GRIN1: variants seen among roughly 807,000 people sequenced by gnomAD.
GRIN1 encodes glutamate receptor ionotropic, NMDA 1.
Under a neutral mutation model 103.0 loss-of-function variants are expected in GRIN1, and 38 were observed. That is an observed-to-expected ratio of 0.37 (90% CI 0.28 to 0.48). The LOEUF (loss-of-function observed/expected upper bound fraction) is 0.48. Ranked by LOEUF, GRIN1 falls within the 20% of genes least tolerant of loss-of-function variation. The pLI is 0.98. For missense variants in GRIN1, 577 were observed against 1,288.9 expected (o/e 0.45, Z 8.46); for synonymous variants, 544 against 532.7 (o/e 1.02, Z -0.29).
At chr9:137,142,735 G>A (rs1454878633) in intron 2 of GRIN1, among the ~76,000 whole-genome samples, 1 of 152,236 alleles carries the variant, frequency 6.6e-6, no homozygotes, top group Non-Finnish European at 1.5e-5. Context: ...TGTGCACGCA[G>A]CCAGGGTGGT....
intron 2 of GRIN1, among the ~76,000 whole-genome samples, chr9:137,142,509 C>T (rs1486985693): frequency 1.3e-5 from 2 of 152,160 alleles, no homozygotes; most frequent in African/African-American, 2.4e-5. Flanking sequence ...AGCACCCACA[C>T]GCTACACTGC....
Position 137,163,892 on chromosome 9 carries a change from G to C in GRIN1, c.2577G>C (p.Arg859=). 1 of 1,612,796 alleles carries C rather than the reference G, an allele frequency of 6.2e-7. No homozygotes were observed. The highest frequency in any genetic ancestry group is 8.5e-7 in the Non-Finnish European group (1 of 1,179,854). Residue 859 remains arginine, a synonymous_variant, in exon 18 of 20, where the codon CGG becomes CGC. Coordinates refer to ENST00000371561, the MANE Select transcript of GRIN1 (RefSeq NM_007327.4). The part of the protein sequence containing the change: ...QLAFAAVNVW[R]KNLQDRKSGR... Reference sequence around the variant, plus strand: ...CCTTTGCCGCCGTTAACGTGTGGCGGAAGAACCTGCAGGTAGGGCAGGCCA... The same window carrying C: ...CCTTTGCCGCCGTTAACGTGTGGCGCAAGAACCTGCAGGTAGGGCAGGCCA...
In GRIN1 at chr9:137,146,158, C is replaced by A. The variant is rs1340190173; in HGVS notation, c.570+256C>A. On this transcript the variant is annotated intron_variant, in intron 3 of 19. Transcript: ENST00000371561. This position sits in a 1 kb window ranked among gnomAD's most constrained non-coding sequence, Gnocchi z 6.7. ...GAGCTCCGCAAACACCCCTGCCCCGCGCTGCCGAGCGCCCTCGTCCCCTCC... is the reference window on the plus strand; with the variant it reads ...GAGCTCCGCAAACACCCCTGCCCCGAGCTGCCGAGCGCCCTCGTCCCCTCC... Among the ~76,000 whole-genome samples, 4 of 152,122 alleles carry A rather than the reference C, an allele frequency of 2.6e-5. No individual in the cohort carries two copies. Among genetic ancestry groups the A allele is most frequent in the Non-Finnish European group, 4.4e-5 (3 of 67,990 alleles).
At chr9:137,145,991 C>A in intron 3 of GRIN1, 89 bp downstream of exon 3, 2 of 963,564 alleles carry the variant, frequency 2.1e-6, no homozygotes, top group Non-Finnish European at 1.6e-6. Flanking sequence ...GTGACACCCT[C>A]TTCTTTCCAT....
chr9:137,155,870 C>T (rs1286826703), intron 4 of GRIN1, among the ~76,000 whole-genome samples: 1 of 152,246 alleles, frequency 6.6e-6, no homozygotes, highest in Admixed American at 6.5e-5. Flanking sequence ...TCCTGCAGGC[C>T]CCAGGCCTGG....
At chr9:137,151,057 G>C (rs111724766) in intron 4 of GRIN1, among the ~76,000 whole-genome samples, 29 of 80,428 alleles carry the variant, frequency 3.6e-4, no homozygotes, top group South Asian at 4.8e-4. Context: ...AAAAAGTCCC[G>C]CCCAGGGAAA....
At chr9:137,148,012 T>A in intron 3 of GRIN1, 7 of 470,504 alleles carry the variant, frequency 1.5e-5, no homozygotes, top group African/African-American at 4.1e-5. Flanking sequence ...GCCCCGGGCC[T>A]CGGTGTTTGC....
At chr9:137,142,365 A>T (rs545871574) in intron 2 of GRIN1, among the ~76,000 whole-genome samples, 2 of 152,238 alleles carry the variant, frequency 1.3e-5, no homozygotes, top group Admixed American at 1.3e-4. Context: ...TACACACACA[A>T]TACACACTCT....
At chr9:137,152,810 A>G (rs1286974141) in intron 4 of GRIN1, among the ~76,000 whole-genome samples, 3 of 152,150 alleles carry the variant, frequency 2.0e-5, no homozygotes, top group Non-Finnish European at 4.4e-5. Flanking sequence ...TACCATACAC[A>G]CGTGCACAAA....
In GRIN1 at chr9:137,139,495, C is replaced by G; in HGVS notation, c.9C>G (p.Thr3=). 1.3e-6 allele frequency: 2 copies of G among 1,594,494 alleles called. No individual in the cohort carries two copies. The highest frequency in any genetic ancestry group is 1.7e-6 in the Non-Finnish European group (2 of 1,171,174). ...GCCCGCGGCCCGAGCCCATGAGCAC[C>G]ATGCGCCTGCTGACGCTCGCCCTGC... MS[T]MRLLTLALLF... The change falls in exon 1 of 20, where the codon ACC becomes ACG. Residue 3 remains threonine, a synonymous_variant. Transcript: ENST00000371561. The surrounding 1 kb of genome is among the most constrained non-coding windows in gnomAD (Gnocchi z 7.7).
In GRIN1 at chr9:137,149,038, G is replaced by C. The variant is rs1451956567; in HGVS notation, c.600G>C (p.Gly200=). 6.2e-7 allele frequency: 1 copy of C among 1,613,594 alleles called. No homozygotes were observed. The highest frequency in any genetic ancestry group is 1.7e-5 in the Admixed American group (1 of 59,970). The part of the protein sequence containing the change: ...KAEKVLQFDP[G]TKNVTALLME... The stretch of plus-strand genomic sequence containing the variant: ...AGAAGGTGCTGCAGTTTGACCCAGG[G>C]ACCAAGAACGTGACGGCCCTGCTGA... Residue 200 remains glycine, a synonymous_variant, in exon 4 of 20, where the codon GGG becomes GGC. Coordinates refer to ENST00000371561, the MANE Select transcript of GRIN1 (RefSeq NM_007327.4).
At chr9:137,142,330 GCTCA>G (rs1282192956) in intron 2 of GRIN1, among the ~76,000 whole-genome samples, 183 bp downstream of exon 2, 1 of 152,204 alleles carries the variant, frequency 6.6e-6, no homozygotes, top group African/African-American at 2.4e-5. Flanking sequence ...CTGCAAACAT[GCTCA>G]CATGCACACT....
At chr9:137,161,900 C>G (rs201897883) in intron 10 of GRIN1, 24 bp from the exon 11 acceptor site, 2 of 1,549,250 alleles carry the variant, frequency 1.3e-6, no homozygotes, top group Non-Finnish European at 1.7e-6. Context: ...TGCCTGCATG[C>G]CCGCCGGCTC....
intron 1 of GRIN1, among the ~76,000 whole-genome samples, chr9:137,140,804 G>A (rs529543601): frequency 6.6e-6 from 1 of 152,210 alleles, no homozygotes; most frequent in Non-Finnish European, 1.5e-5. Flanking sequence ...AGCACCTCTG[G>A]GTGCAGGCTG....
chr9:137,160,920 C>A, intron 8 of GRIN1, 136 bp from the exon 9 acceptor site: 1 of 1,101,418 alleles, frequency 9.1e-7, no homozygotes, highest in Non-Finnish European at 1.3e-6. Flanking sequence ...CAGTGGCCGG[C>A]GGCGCAGGGC....
Position 137,157,054 on chromosome 9 carries a change from C to A in GRIN1, c.968+17C>A. The A allele has an allele frequency of 8.8e-7, 1 of 1,139,772 alleles. No individual in the cohort carries two copies. Among genetic ancestry groups the A allele is most frequent in the Non-Finnish European group, 1.1e-6 (1 of 889,524 alleles). The allele number at this position is 1,139,772 out of a possible 1,614,324, so 70.6% of individuals were successfully genotyped here. A position where few individuals can be genotyped will look rare whatever the true frequency, so the allele number is the denominator to read the frequency against. On this transcript the variant is annotated intron_variant, in intron 6 of 19. Coordinates refer to ENST00000371561, the MANE Select transcript of GRIN1 (RefSeq NM_007327.4). ...CTTCAAGAGGTGGGCGGGGCCTCCC[C>A]GGAGCTGGGCGGGGCTGCTCTTGGG...
intron 4 of GRIN1, among the ~76,000 whole-genome samples, chr9:137,149,979 C>T (rs1482439209): frequency 6.6e-6 from 1 of 152,180 alleles, no homozygotes; most frequent in Non-Finnish European, 1.5e-5. Flanking sequence ...CAGATGCAGC[C>T]CCCTCACCAG....
intron 4 of GRIN1, among the ~76,000 whole-genome samples, chr9:137,155,769 C>A (rs1351497390): frequency 1.3e-5 from 2 of 152,234 alleles, no homozygotes; most frequent in Non-Finnish European, 2.9e-5. Context: ...AGGTCCCCTG[C>A]TCCACTGTCC....
chr9:137,148,343 A>AGCAGGCAGGAGAGG (rs983387698), intron 3 of GRIN1: 6 of 648,458 alleles, frequency 9.3e-6, no homozygotes, highest in African/African-American at 1.8e-5. Flanking sequence ...GGCAGCCGGC[A>AGCAGGCAGGAGAGG]GCAGGCAGGA....
Sources: gnomAD v4.1 joint callset for allele counts (sites outside exome capture counted in the v4.1 genomes callset) on GRCh38, gnomAD v4.1.1 for gene constraint, Gnocchi (gnomAD v3.1) non-coding constraint, MANE v1.5 for transcripts, NCBI Gene and HGNC (gene_info 2026-07-23, HGNC 2026-07-21) for gene names.